The following SUFU variants were observed in gnomAD, a reference collection of about 807,000 sequenced individuals.
SUFU encodes the protein SUFU negative regulator of hedgehog signaling.
Under a neutral mutation model 58.9 loss-of-function variants are expected in SUFU, and 7 were observed. That is an observed-to-expected ratio of 0.12 (90% CI 0.07 to 0.22). The LOEUF is 0.22. Ranked by LOEUF, SUFU falls within the 10% of genes least tolerant of loss-of-function variation. The probability of loss-of-function intolerance (pLI) is 1.00; values close to 1 mark genes in which losing one functional copy is unlikely to be tolerated. For missense variants in SUFU, 451 were observed against 641.3 expected (o/e 0.70, Z 3.20); for synonymous variants, 232 against 254.8 (o/e 0.91, Z 0.85).
chr10:102,521,945 C>G (rs1476597119), intron 2 of SUFU, among the ~76,000 whole-genome samples: 1 of 152,118 alleles, frequency 6.6e-6, no homozygotes, highest in African/African-American at 2.4e-5. Context: ...GTTTACAATT[C>G]TATGTCTGTT....
At chr10:102,578,550 G>A (rs1180443528) in intron 3 of SUFU, among the ~76,000 whole-genome samples, 1 of 151,930 alleles carries the variant, frequency 6.6e-6, no homozygotes, top group Non-Finnish European at 1.5e-5. Flanking sequence ...TGTACTAAAA[G>A]TACAAACATT....
At chr10:102,538,966 G>C (rs971250652) in intron 2 of SUFU, among the ~76,000 whole-genome samples, 5 of 152,204 alleles carry the variant, frequency 3.3e-5, no homozygotes, top group African/African-American at 1.2e-4. Context: ...GGTGGCTCTT[G>C]ATGCATATTC....
At chr10:102,502,903 TA>T (rs1353153824), upstream of SUFU, among the ~76,000 whole-genome samples, 2 of 152,240 alleles carry the variant, frequency 1.3e-5, no homozygotes, top group Non-Finnish European at 2.9e-5. Context: ...CTCCCTAGAT[TA>T]AACAGCCAGA....
intron 8 of SUFU, among the ~76,000 whole-genome samples, chr10:102,613,823 C>T (rs1028867174): frequency 6.6e-6 from 1 of 152,202 alleles, no homozygotes. Flanking sequence ...GACCCTGTGT[C>T]CCAGCCGTGG....
Position 102,619,428 on chromosome 10 carries a change from T to C in SUFU, c.1296+2000T>C. On this transcript the variant is annotated intron_variant, in intron 10 of 11. Transcript: ENST00000369902. This position sits in a 1 kb window ranked among gnomAD's most constrained non-coding sequence, Gnocchi z 4.2. Reference sequence around the variant, plus strand: ...TGGGAACGAGCTGCTGGCCTCGGCATGTTTCAATAAAGTTGCTGTGCTGGG... The same window carrying C: ...TGGGAACGAGCTGCTGGCCTCGGCACGTTTCAATAAAGTTGCTGTGCTGGG... 2 of 1,333,658 alleles carry C rather than the reference T, an allele frequency of 1.5e-6. No individual in the cohort carries two copies. Among genetic ancestry groups the C allele is most frequent in the Non-Finnish European group, 1.9e-6 (2 of 1,036,460 alleles). 82.6% of individuals were successfully genotyped at this position (1,333,658 alleles called of 1,614,324 possible).
At chr10:102,527,383 A>G (rs564518215) in intron 2 of SUFU, among the ~76,000 whole-genome samples, 39 of 152,194 alleles carry the variant, frequency 2.6e-4, no homozygotes, top group South Asian at 8.3e-4. Context: ...TTTAGGAAGC[A>G]TTCCAGTGTG....
intron 3 of SUFU, among the ~76,000 whole-genome samples, chr10:102,587,389 T>G (rs955135336): frequency 1.3e-5 from 2 of 152,200 alleles, no homozygotes; most frequent in Admixed American, 6.5e-5. Flanking sequence ...TCTGTTTTCT[T>G]TTTTTTATTA....
chr10:102,553,930 C>CA lies in SUFU; in HGVS notation c.454+3829dup, dbSNP rs369619284. 7.9e-4 allele frequency among the ~76,000 whole-genome samples: 121 copies of CA among 152,294 alleles called. 1 individual carries two copies. In the Middle Eastern group the frequency reaches 0.014, roughly 17 times the overall value. The stretch of plus-strand genomic sequence containing the variant: ...GCAACATAAGGATATTCTGTCTCTA[C>CA]AAAAATTTTAAAAATTAGCCATTGT... On this transcript the variant is annotated intron_variant, in intron 3 of 11. Transcript: ENST00000369902.
intron 1 of SUFU, among the ~76,000 whole-genome samples, chr10:102,504,565 T>G: frequency 7.8e-6 from 1 of 127,952 alleles, no homozygotes; most frequent in African/African-American, 3.0e-5. Flanking sequence ...GAGAATAGAG[T>G]GAGGACTGGG....
At chr10:102,530,447 CTTT>C (rs34892390) in intron 2 of SUFU, among the ~76,000 whole-genome samples, 55,566 of 113,402 alleles carry the variant, frequency 0.49, 13,456 homozygotes, top group Middle Eastern at 0.61. Flanking sequence ...TATTTTAAAT[CTTT>C]TTTTTTTTTT....
intron 3 of SUFU, among the ~76,000 whole-genome samples, chr10:102,589,357 G>A (rs984233920): frequency 6.6e-6 from 1 of 150,668 alleles, no homozygotes; most frequent in African/African-American, 2.4e-5. Context: ...CATTCCTTAA[G>A]GTTTTCTGTA....
At chr10:102,611,445 C>T (rs2063622035) in intron 8 of SUFU, among the ~76,000 whole-genome samples, 1 of 152,198 alleles carries the variant, frequency 6.6e-6, no homozygotes, top group African/African-American at 2.4e-5. Flanking sequence ...CCAAAGCCTG[C>T]AGGGTCCACT....
At chr10:102,539,162 C>T (rs1054885729) in intron 2 of SUFU, among the ~76,000 whole-genome samples, 2 of 152,158 alleles carry the variant, frequency 1.3e-5, no homozygotes, top group African/African-American at 2.4e-5. Context: ...ACTCCAGAGT[C>T]TTTTTTAGTA....
At chr10:102,554,841 A>AAAT (rs1382064285) in intron 3 of SUFU, among the ~76,000 whole-genome samples, 2 of 152,366 alleles carry the variant, frequency 1.3e-5, no homozygotes, top group African/African-American at 2.4e-5. Context: ...CTCAGCTATA[A>AAAT]AGCAGGGATA....
At position 102,508,083 on chromosome 10, in the gene SUFU, A is replaced by G. The variant is rs549170098; in HGVS notation, c.183-1086A>G. On this transcript the variant is annotated intron_variant, in intron 1 of 11. Coordinates refer to ENST00000369902, the MANE Select transcript of SUFU (RefSeq NM_016169.4). ...GTTGTCCAGGCGATTCTCCTGCCTC[A>G]GCCTCTCAAATAGCAAATAGCTGGG... 2.0e-5 allele frequency among the ~76,000 whole-genome samples: 3 copies of G among 149,948 alleles called. No homozygotes were observed. In the South Asian group the frequency reaches 6.3e-4, roughly 31 times the overall value.
In SUFU at chr10:102,617,688, G is replaced by T; in HGVS notation, c.1296+260G>T. ...TTAACTCTCCAGGCCCTGGCTCTTGGTAATTCTGGTTCCCCGTGGAAATCC... is the reference window on the plus strand; with the variant it reads ...TTAACTCTCCAGGCCCTGGCTCTTGTTAATTCTGGTTCCCCGTGGAAATCC... On this transcript the variant is annotated intron_variant, in intron 10 of 11. Transcript: ENST00000369902. The surrounding 1 kb of genome is among the most constrained non-coding windows in gnomAD (Gnocchi z 4.4). The T allele has an allele frequency of 3.3e-6, 2 of 606,386 alleles. No homozygotes were observed. Among genetic ancestry groups the T allele is most frequent in the East Asian group, 5.5e-5 (2 of 36,176 alleles). 37.6% of individuals were successfully genotyped at this position (606,386 alleles called of 1,614,324 possible). A position where few individuals can be genotyped will look rare whatever the true frequency, so the allele number is the denominator to read the frequency against.
At chr10:102,569,151 C>A (rs1204403967) in intron 3 of SUFU, among the ~76,000 whole-genome samples, 1 of 151,584 alleles carries the variant, frequency 6.6e-6, no homozygotes, top group African/African-American at 2.4e-5. Context: ...ATCTCAGGAT[C>A]AGTTTCTAAA....
At chr10:102,618,798 G>A (rs903044072) in intron 10 of SUFU, 19 of 545,594 alleles carry the variant, frequency 3.5e-5, no homozygotes, top group Non-Finnish European at 5.9e-5. Context: ...CATGTCCCGG[G>A]CTGCTGCGTC....
intron 1 of SUFU, among the ~76,000 whole-genome samples, chr10:102,508,231 C>G (rs1397477064): frequency 6.6e-6 from 1 of 152,128 alleles, no homozygotes; most frequent in African/African-American, 2.4e-5. Context: ...ACTTCGGCCT[C>G]CCAAAGTGCA....
Sources: allele counts gnomAD v4.1 joint callset (sites outside exome capture counted in the v4.1 genomes callset), GRCh38; gene constraint gnomAD v4.1.1; non-coding constraint Gnocchi (gnomAD v3.1); transcripts MANE v1.5; gene names NCBI Gene and HGNC (gene_info 2026-07-23, HGNC 2026-07-21).